The following CNBD1 variants were observed in gnomAD, a reference collection of about 807,000 sequenced individuals.
The protein encoded by CNBD1 is cyclic nucleotide binding domain containing 1.
In CNBD1, 71 loss-of-function variants were observed where a neutral mutation model predicts 54.4. That is an observed-to-expected ratio of 1.30 (90% confidence interval 1.08 to 1.59). The LOEUF (loss-of-function observed/expected upper bound fraction) is 1.59, where lower values mean the gene tolerates loss of function less well. Ranked by LOEUF, CNBD1 falls within the 40% of genes most tolerant of loss-of-function variation. The probability of loss-of-function intolerance (pLI) is 0.00; values close to 1 mark genes in which losing one functional copy is unlikely to be tolerated. For synonymous variants in CNBD1, 182 were observed against 170.7 expected, an observed-to-expected ratio of 1.07 and a Z score of -0.51; for missense variants, 659 against 518.0, an observed-to-expected ratio of 1.27 and a Z score of -2.64.
chr8:87,164,742 T>G (rs1429762495), intron 4 of CNBD1, among the ~76,000 whole-genome samples: 1 of 151,816 alleles, frequency 6.6e-6, no homozygotes, highest in Non-Finnish European at 1.5e-5. Context: ...CTACTTTCAT[T>G]GCTTTTTTCT....
chr8:87,023,903 G>T (rs1490840847), intron 4 of CNBD1, among the ~76,000 whole-genome samples: 4 of 152,110 alleles, frequency 2.6e-5, no homozygotes, highest in Non-Finnish European at 5.9e-5. Flanking sequence ...CATTTTATTT[G>T]TGTTAAAGAC....
chr8:87,155,751 A>G (rs1455759533), intron 4 of CNBD1, among the ~76,000 whole-genome samples: 2 of 152,222 alleles, frequency 1.3e-5, no homozygotes, highest in African/African-American at 4.8e-5. Flanking sequence ...GTCTAGAAAT[A>G]CAGACATGGC....
chr8:87,259,883 C>G (rs1012326675), intron 6 of CNBD1, among the ~76,000 whole-genome samples: 1 of 152,102 alleles, frequency 6.6e-6, no homozygotes, highest in Non-Finnish European at 1.5e-5. Context: ...TTAGTATTAC[C>G]TGACTTTAGA....
At chr8:86,955,247 G>A (rs1451179165) in intron 4 of CNBD1, among the ~76,000 whole-genome samples, 3 of 152,112 alleles carry the variant, frequency 2.0e-5, no homozygotes, top group African/African-American at 7.2e-5. Context: ...GGACATTTGG[G>A]ATGGTTCCAA....
chr8:87,190,887 G>GATATAGGTACATGTATC (rs1563501596), intron 4 of CNBD1, among the ~76,000 whole-genome samples: 8 of 124,902 alleles, frequency 6.4e-5, no homozygotes, highest in Admixed American at 2.4e-4. Context: ...ATACATGTAC[G>GATATAGGTACATGTATC]TATATCTATT....
intron 8 of CNBD1, among the ~76,000 whole-genome samples, chr8:87,336,116 G>T (rs1432117750): frequency 1.3e-5 from 2 of 152,060 alleles, no homozygotes; most frequent in Non-Finnish European, 2.9e-5. Flanking sequence ...TTTCTCTCTG[G>T]CTGCCCTTAA....
intron 4 of CNBD1, among the ~76,000 whole-genome samples, chr8:87,099,768 A>G (rs1279992074): frequency 1.3e-5 from 2 of 152,222 alleles, no homozygotes; most frequent in African/African-American, 4.8e-5. Flanking sequence ...TGACATAATC[A>G]TCTTTGAGAT....
At chr8:87,313,620 CTT>C (rs567411441) in intron 8 of CNBD1, among the ~76,000 whole-genome samples, 55 of 151,944 alleles carry the variant, frequency 3.6e-4, no homozygotes, top group African/African-American at 1.2e-3. Flanking sequence ...CAAGGGAAGT[CTT>C]TGAGAAGAAA....
intron 5 of CNBD1, among the ~76,000 whole-genome samples, chr8:87,233,131 A>G (rs1468286456): frequency 6.6e-6 from 1 of 152,328 alleles, no homozygotes; most frequent in Non-Finnish European, 1.5e-5. Context: ...TGAATAATTG[A>G]CAAAATAATA....
intron 6 of CNBD1, among the ~76,000 whole-genome samples, chr8:87,245,867 G>GT (rs1337593247): frequency 6.6e-6 from 1 of 151,550 alleles, no homozygotes; most frequent in Admixed American, 6.6e-5. Flanking sequence ...TGGATATATT[G>GT]TTTTTTTCTT....
At chr8:87,228,165 ACTT>A (rs952681480) in intron 5 of CNBD1, among the ~76,000 whole-genome samples, 1 of 150,280 alleles carries the variant, frequency 6.7e-6, no homozygotes, top group Admixed American at 6.6e-5. Context: ...AAAGTTTTCT[ACTT>A]CTTTGCCTTT....
chr8:86,958,103 G>A (rs574055120), intron 4 of CNBD1, among the ~76,000 whole-genome samples: 1 of 152,288 alleles, frequency 6.6e-6, no homozygotes, highest in Non-Finnish European at 1.5e-5. Context: ...AGTCATTCAG[G>A]AGCAGGTTGT....
intron 4 of CNBD1, among the ~76,000 whole-genome samples, chr8:86,950,314 T>C (rs1586156582): frequency 6.6e-6 from 1 of 152,044 alleles, no homozygotes; most frequent in Non-Finnish European, 1.5e-5. Context: ...ATGATCCACC[T>C]GTCTCAGCCT....
intron 1 of CNBD1, among the ~76,000 whole-genome samples, chr8:86,879,335 G>A (rs1373750001): frequency 1.3e-5 from 2 of 152,166 alleles, no homozygotes; most frequent in African/African-American, 2.4e-5. Flanking sequence ...AAATTAAAAA[G>A]TCATAAAGAA....
intron 8 of CNBD1, among the ~76,000 whole-genome samples, chr8:87,351,483 T>C (rs1810290983): frequency 1.3e-5 from 2 of 152,202 alleles, no homozygotes; most frequent in African/African-American, 4.8e-5. Context: ...GTTTGCAATA[T>C]TACATGTATT....
intron 8 of CNBD1, among the ~76,000 whole-genome samples, chr8:87,300,045 A>G (rs1215494864): frequency 6.6e-6 from 1 of 152,198 alleles, no homozygotes; most frequent in Non-Finnish European, 1.5e-5. Context: ...TTCTTAGCCC[A>G]TTGGACACTT....
rs1452147892 is a variant in CNBD1, at chr8:87,424,013, A to G, written c.214-4533A>G. 5.3e-5 allele frequency among the ~76,000 whole-genome samples: 8 copies of G among 152,284 alleles called. 1 individual carries two copies. The South Asian group carries it at 1.0e-3, about 20-fold the overall frequency. ...TCCTGGTTTAGTCTTGGGAGAGTGT[A>G]TGTGTCAAGGAATTTATCCATTTCT... On this transcript the variant is annotated intron_variant, in intron 2 of 7. Coordinates refer to the CNBD1 transcript ENST00000521593.
At chr8:87,112,601 A>C (rs1811686431) in intron 4 of CNBD1, among the ~76,000 whole-genome samples, 1 of 152,114 alleles carries the variant, frequency 6.6e-6, no homozygotes, top group African/African-American at 2.4e-5. Context: ...ATTGCACACT[A>C]ATTTTGCAGT....
chr8:86,951,696 G>A (rs1397224111), intron 4 of CNBD1, among the ~76,000 whole-genome samples: 1 of 134,270 alleles, frequency 7.4e-6, no homozygotes, highest in Non-Finnish European at 1.6e-5. Context: ...AAGACATCTT[G>A]TTTAATTTAC....
Sources: allele counts gnomAD v4.1 joint callset (sites outside exome capture counted in the v4.1 genomes callset), GRCh38; gene constraint gnomAD v4.1.1; transcripts MANE v1.5; gene names NCBI Gene and HGNC (gene_info 2026-07-23, HGNC 2026-07-21).